PDE8A: variants seen among roughly 807,000 people sequenced by gnomAD.
PDE8A encodes high affinity cAMP-specific and IBMX-insensitive 3',5'-cyclic phosphodiesterase 8A.
Under a neutral mutation model 105.0 loss-of-function variants are expected in PDE8A, and 59 were observed. The ratio of observed to expected loss-of-function variants is 0.56; its 90% CI spans 0.46 to 0.70. PDE8A has a LOEUF of 0.70. Ranked by LOEUF, PDE8A falls within the 30% of genes least tolerant of loss-of-function variation. PDE8A has a pLI of 0.00. For missense variants in PDE8A, 1,014 were observed against 1,045.9 expected (o/e 0.97, Z 0.42); for synonymous variants, 355 against 371.9 (o/e 0.95, Z 0.52).
intron 3 of PDE8A, among the ~76,000 whole-genome samples, chr15:85,069,704 TC>T (rs1452333939): frequency 6.6e-6 from 1 of 152,016 alleles, no homozygotes; most frequent in African/African-American, 2.4e-5. Flanking sequence ...AACAGTCCCC[TC>T]CACTGTGCTA....
chr15:85,091,907 T>TTTTTC (rs2081649775), intron 8 of PDE8A, among the ~76,000 whole-genome samples: 1 of 150,104 alleles, frequency 6.7e-6, no homozygotes. Flanking sequence ...TGGACTTTTT[T>TTTTTC]TTTTTTTTTT....
chr15:85,117,401 G>A (rs1567297572), intron 16 of PDE8A, among the ~76,000 whole-genome samples: 1 of 152,150 alleles, frequency 6.6e-6, no homozygotes, highest in Admixed American at 6.5e-5. Flanking sequence ...GAGCCCCAAC[G>A]AGGCTGAGGT....
intron 1 of PDE8A, among the ~76,000 whole-genome samples, chr15:85,053,134 T>C (rs1407874146): frequency 2.6e-5 from 4 of 152,196 alleles, no homozygotes; most frequent in Non-Finnish European, 5.9e-5. Flanking sequence ...TGGTTGTAGA[T>C]GTATGGTATT....
At chr15:85,107,626 G>T (rs146833791) in intron 11 of PDE8A, among the ~76,000 whole-genome samples, 10 of 152,124 alleles carry the variant, frequency 6.6e-5, no homozygotes, top group African/African-American at 2.4e-4. Flanking sequence ...GATGACTTCT[G>T]TCTACCTTAT....
chr15:84,994,545 C>T (rs576699532), intron 1 of PDE8A, among the ~76,000 whole-genome samples: 32 of 152,338 alleles, frequency 2.1e-4, no homozygotes, highest in Non-Finnish European at 4.1e-4. Flanking sequence ...GGATTTTTCA[C>T]AGGGTACCCC....
chr15:85,061,146 G>C (rs538054967), intron 1 of PDE8A, among the ~76,000 whole-genome samples: 45 of 152,184 alleles, frequency 3.0e-4, no homozygotes, highest in Middle Eastern at 6.8e-3. Context: ...TTTCTGATGA[G>C]AGATCTATTG....
At chr15:85,060,236 T>A (rs992256328) in intron 1 of PDE8A, among the ~76,000 whole-genome samples, 3 of 152,194 alleles carry the variant, frequency 2.0e-5, no homozygotes, top group Admixed American at 6.5e-5. Context: ...ATAGTTAACA[T>A]CCTAATGTTA....
intron 1 of PDE8A, among the ~76,000 whole-genome samples, chr15:85,002,843 A>G (rs1446054003): frequency 6.6e-6 from 1 of 152,158 alleles, no homozygotes; most frequent in Non-Finnish European, 1.5e-5. Flanking sequence ...CACTTCTTTC[A>G]CCTTTATTGG....
chr15:85,066,583 A>AAAACAC (rs2081229348), intron 2 of PDE8A, among the ~76,000 whole-genome samples: 2 of 116,942 alleles, frequency 1.7e-5, no homozygotes, highest in African/African-American at 6.2e-5. Flanking sequence ...ATCCCCCCAA[A>AAAACAC]ACACACACAC....
chr15:85,092,789 G>C (rs138325655), intron 8 of PDE8A, among the ~76,000 whole-genome samples: 5 of 152,292 alleles, frequency 3.3e-5, no homozygotes, highest in African/African-American at 4.8e-5. Flanking sequence ...CTTTGCTGGG[G>C]TTGTGCTCTT....
rs371050775 is a variant in PDE8A at position 85,113,997 on chromosome 15, A to T, written c.1310A>T (p.Asp437Val). ...LYSPQFGAKD[D>V]DPHANDLVGG... is the part of the protein sequence containing the mutation. Reference sequence around the variant, plus strand: ...TCACCACAGTTTGGTGCTAAAGATGATGATCCCCATGCCAATGACCTTGTT... The same window carrying T: ...TCACCACAGTTTGGTGCTAAAGATGTTGATCCCCATGCCAATGACCTTGTT... Residue 437 changes from aspartate to valine, a missense_variant, in exon 14 of 22, where the codon GAT (aspartate) becomes GTT (valine). By Grantham distance (152) the Asp-to-Val change is radical. Transcript: ENST00000394553. The T allele has an allele frequency of 6.8e-6, 11 of 1,613,904 alleles. No individual in the cohort carries two copies. The highest frequency in any genetic ancestry group is 5.3e-5 in the African/African-American group (4 of 74,934).
intron 1 of PDE8A, among the ~76,000 whole-genome samples, chr15:85,034,136 C>T (rs1036938386): frequency 1.3e-5 from 2 of 152,188 alleles, no homozygotes; most frequent in African/African-American, 2.4e-5. Context: ...GAAATTTTGA[C>T]TCCTCCGTAT....
At chr15:84,982,455 C>T (rs1182969356) in intron 1 of PDE8A, 107 bp downstream of exon 1, 2 of 622,188 alleles carry the variant, frequency 3.2e-6, no homozygotes, top group Non-Finnish European at 4.8e-6. Flanking sequence ...CCTCGGTGCC[C>T]TCTTGTCCCG....
At chr15:85,090,350 G>C (rs1468717837) in intron 7 of PDE8A, among the ~76,000 whole-genome samples, 1 of 152,190 alleles carries the variant, frequency 6.6e-6, no homozygotes, top group African/African-American at 2.4e-5. Context: ...GTTTACTATA[G>C]TGCCCAGTGA....
intron 3 of PDE8A, among the ~76,000 whole-genome samples, chr15:85,074,526 C>A (rs1309671678): frequency 1.3e-5 from 2 of 152,168 alleles, no homozygotes; most frequent in Non-Finnish European, 2.9e-5. Context: ...TGTAGTGAGA[C>A]CTCGTCTCTA....
chr15:85,045,217 A>G (rs2080868933), intron 1 of PDE8A, among the ~76,000 whole-genome samples: 1 of 152,194 alleles, frequency 6.6e-6, no homozygotes, highest in Non-Finnish European at 1.5e-5. Flanking sequence ...GTTGTTAATC[A>G]GAGATATTGT....
intron 1 of PDE8A, among the ~76,000 whole-genome samples, chr15:85,058,541 T>A (rs772030130): frequency 6.6e-6 from 1 of 152,214 alleles, no homozygotes; most frequent in Non-Finnish European, 1.5e-5. Flanking sequence ...AGGGGTTTTC[T>A]TTGTTGGGGG....
chr15:85,076,498 C>T (rs983114973), intron 4 of PDE8A, among the ~76,000 whole-genome samples: 3 of 151,240 alleles, frequency 2.0e-5, no homozygotes, highest in Non-Finnish European at 4.4e-5. Flanking sequence ...TCCTGTATTC[C>T]TGCTATTAAT....
At chr15:85,054,455 T>G (rs2081028055) in intron 1 of PDE8A, among the ~76,000 whole-genome samples, 1 of 152,146 alleles carries the variant, frequency 6.6e-6, no homozygotes, top group African/African-American at 2.4e-5. Flanking sequence ...GTACGGGACT[T>G]TTTTTGGTTG....
Sources: gnomAD v4.1 joint callset for allele counts (sites outside exome capture counted in the v4.1 genomes callset) on GRCh38, gnomAD v4.1.1 for gene constraint, MANE v1.5 for transcripts, NCBI Gene and HGNC (gene_info 2026-07-23, HGNC 2026-07-21) for gene names.